Variants in GLCCI1 observed in about 807,000 individuals in gnomAD.
GLCCI1 encodes the protein glucocorticoid-induced transcript 1 protein.
A neutral mutation model predicts 52.2 loss-of-function variants in GLCCI1; 24 were observed. The observed-to-expected ratio is 0.46, with a 90% CI of 0.33 to 0.65. The LOEUF is 0.65. Among genes scored for constraint, GLCCI1 ranks in the 30% least tolerant of loss-of-function variants. GLCCI1 has a pLI of 0.02. For synonymous variants in GLCCI1, 310 were observed against 276.5 expected, an observed-to-expected ratio of 1.12 and a Z score of -1.20; for missense variants, 704 against 701.5, an observed-to-expected ratio of 1.00 and a Z score of -0.04.
chr7:8,040,298 C>T (rs1781970407), intron 3 of GLCCI1, among the ~76,000 whole-genome samples: 1 of 151,924 alleles, frequency 6.6e-6, no homozygotes, highest in African/African-American at 2.4e-5. Context: ...CCAGCCTGAG[C>T]AACATAGTAA....
chr7:8,065,413 T>C (rs1266748507), intron 5 of GLCCI1, among the ~76,000 whole-genome samples: 7 of 152,202 alleles, frequency 4.6e-5, no homozygotes, highest in Non-Finnish European at 7.3e-5. Context: ...TCTTGCCTCA[T>C]TGCTCCAGCC....
At chr7:8,024,550 T>A (rs1781571712) in intron 3 of GLCCI1, among the ~76,000 whole-genome samples, 1 of 152,220 alleles carries the variant, frequency 6.6e-6, no homozygotes, top group Non-Finnish European at 1.5e-5. Flanking sequence ...GTAGGAAGAA[T>A]TGAAGAGTGC....
At chr7:8,014,764 A>T (rs925730704) in intron 2 of GLCCI1, among the ~76,000 whole-genome samples, 37 of 152,324 alleles carry the variant, frequency 2.4e-4, no homozygotes, top group Admixed American at 7.2e-4. Flanking sequence ...CTCTTGGTTG[A>T]TATCAGGGAG....
chr7:8,053,219 T>C (rs1021679097), intron 3 of GLCCI1, among the ~76,000 whole-genome samples: 2 of 151,928 alleles, frequency 1.3e-5, no homozygotes, highest in Admixed American at 1.3e-4. Context: ...ACTATGCTTA[T>C]TACTCTCTCT....
intron 3 of GLCCI1, among the ~76,000 whole-genome samples, chr7:8,025,395 A>G (rs2008958720): frequency 6.6e-6 from 1 of 152,236 alleles, no homozygotes; most frequent in Non-Finnish European, 1.5e-5. Context: ...ATTCTAAAAA[A>G]GAAGGAAACA....
chr7:8,062,438 T>C (rs186735699), intron 5 of GLCCI1, among the ~76,000 whole-genome samples: 56 of 152,346 alleles, frequency 3.7e-4, no homozygotes, highest in Non-Finnish European at 1.5e-4. Context: ...GGTATAGTTT[T>C]TGTTTAGCAG....
chr7:8,002,470 A>G (rs1490169774), intron 1 of GLCCI1, among the ~76,000 whole-genome samples: 1 of 152,212 alleles, frequency 6.6e-6, no homozygotes, highest in Non-Finnish European at 1.5e-5. Context: ...CTAAAGTAAT[A>G]CAGATAAAGA....
rs71014751 is a variant in GLCCI1 at position 8,053,315 on chromosome 7, G to GTTT, written c.697-2109_697-2107dup. 3.4e-3 allele frequency among the ~76,000 whole-genome samples: 443 copies of GTTT among 129,950 alleles called. 6 individuals are homozygous for GTTT. Among genetic ancestry groups the GTTT allele is most frequent in the African/African-American group, 0.012 (413 of 34,750 alleles). 85.3% of individuals were successfully genotyped at this position (129,950 alleles called of 152,430 possible). ...TTTTGTTTTGTTTTTTTTTGTTTTC[G>GTTT]TTTTTTTTTTTGTTTGTTTGTTTGT... On this transcript the variant is annotated intron_variant, in intron 3 of 7. Transcript: ENST00000223145.
chr7:8,056,038 C>T (rs1782391160), intron 4 of GLCCI1, among the ~76,000 whole-genome samples: 1 of 150,926 alleles, frequency 6.6e-6, no homozygotes, highest in Non-Finnish European at 1.5e-5. Context: ...TGGCTCACTC[C>T]TGTAATCCTA....
chr7:8,061,394 C>G (rs530385963), intron 5 of GLCCI1, among the ~76,000 whole-genome samples: 6 of 152,060 alleles, frequency 3.9e-5, no homozygotes, highest in African/African-American at 1.4e-4. Context: ...GCCACTGCAC[C>G]CAGCCTTTAG....
At chr7:8,040,606 A>G (rs1231855039) in intron 3 of GLCCI1, among the ~76,000 whole-genome samples, 1 of 151,946 alleles carries the variant, frequency 6.6e-6, no homozygotes, top group Non-Finnish European at 1.5e-5. Flanking sequence ...ATTGGTTAGG[A>G]TTTGGAGGAC....
chr7:8,038,350 C>T (rs1385043908), intron 3 of GLCCI1, among the ~76,000 whole-genome samples: 1 of 152,136 alleles, frequency 6.6e-6, no homozygotes, highest in Non-Finnish European at 1.5e-5. Context: ...TATTGCATCA[C>T]ATTACCTGCC....
intron 3 of GLCCI1, among the ~76,000 whole-genome samples, chr7:8,038,569 T>A (rs2127953887): frequency 6.6e-6 from 1 of 152,302 alleles, no homozygotes; most frequent in East Asian, 1.9e-4. Flanking sequence ...AGAATGAAAC[T>A]GAACCTATAT....
intron 6 of GLCCI1, among the ~76,000 whole-genome samples, chr7:8,083,801 A>C (rs760310518): frequency 7.2e-5 from 11 of 152,206 alleles, no homozygotes; most frequent in Non-Finnish European, 1.2e-4. Context: ...AACAAGCATT[A>C]GTGTGCATCA....
At chr7:7,979,870 T>C (rs1780572902) in intron 1 of GLCCI1, among the ~76,000 whole-genome samples, 1 of 152,264 alleles carries the variant, frequency 6.6e-6, no homozygotes, top group South Asian at 2.1e-4. Context: ...ACCATTTACC[T>C]GAAACTTTGG....
At chr7:8,081,122 A>G (rs375184258) in intron 6 of GLCCI1, among the ~76,000 whole-genome samples, 19 of 152,246 alleles carry the variant, frequency 1.2e-4, no homozygotes, top group East Asian at 3.9e-4. Context: ...CTCCAAATCA[A>G]TGTTCTTAAC....
intron 1 of GLCCI1, among the ~76,000 whole-genome samples, chr7:7,985,736 T>C (rs759916255): frequency 6.6e-6 from 1 of 152,192 alleles, no homozygotes; most frequent in Non-Finnish European, 1.5e-5. Flanking sequence ...TGGAGAAAAA[T>C]CAATCCGTTT....
chr7:7,997,189 TCA>T (rs1780953462), intron 1 of GLCCI1, among the ~76,000 whole-genome samples: 2 of 152,342 alleles, frequency 1.3e-5, no homozygotes, highest in African/African-American at 4.8e-5. Flanking sequence ...TCTTGTATTC[TCA>T]GTTATTTTGT....
chr7:8,029,062 A>G (rs1267126035), intron 3 of GLCCI1, among the ~76,000 whole-genome samples: 2 of 152,174 alleles, frequency 1.3e-5, no homozygotes, highest in South Asian at 2.1e-4. Flanking sequence ...AGCTTTTCCA[A>G]AAAATGGAGG....
Sources: gnomAD v4.1 joint callset for allele counts (sites outside exome capture counted in the v4.1 genomes callset) on GRCh38, gnomAD v4.1.1 for gene constraint, MANE v1.5 for transcripts, NCBI Gene and HGNC (gene_info 2026-07-23, HGNC 2026-07-21) for gene names.